EML6: variants seen among roughly 807,000 people sequenced by gnomAD.
EML6 encodes EMAP like 6.
Under a neutral mutation model 240.1 loss-of-function variants are expected in EML6, and 154 were observed. The observed-to-expected ratio is 0.64, with a 90% CI of 0.56 to 0.73. The LOEUF (loss-of-function observed/expected upper bound fraction) is 0.73, where lower values mean the gene tolerates loss of function less well. EML6 is among the 30% of genes least tolerant of loss of function. The pLI is 0.00. For missense variants in EML6, 2,964 were observed against 2,474.6 expected, an observed-to-expected ratio of 1.20 and a Z score of -4.20; for synonymous variants, 1,148 against 899.0, an observed-to-expected ratio of 1.28 and a Z score of -4.95.
At chr2:54,846,448 T>A (rs150394804) in intron 8 of EML6, among the ~76,000 whole-genome samples, 2 of 150,992 alleles carry the variant, frequency 1.3e-5, no homozygotes, top group East Asian at 3.9e-4. Flanking sequence ...TGTGTTGATA[T>A]ATATTTATAT....
chr2:54,775,428 C>G (rs1668562134), intron 2 of EML6, among the ~76,000 whole-genome samples: 1 of 152,180 alleles, frequency 6.6e-6, no homozygotes, highest in Non-Finnish European at 1.5e-5. Flanking sequence ...ACGCTCCTCC[C>G]CTCGATTTGG....
chr2:54,952,464 AG>A, intron 30 of EML6, 129 bp from the exon 31 acceptor site: 1 of 578,302 alleles, frequency 1.7e-6, no homozygotes. Flanking sequence ...TGATTCTGGA[AG>A]TGAGAATTTG....
chr2:54,872,093 G>A (rs1671286807), intron 16 of EML6, among the ~76,000 whole-genome samples: 1 of 152,100 alleles, frequency 6.6e-6, no homozygotes, highest in African/African-American at 2.4e-5. Context: ...TGGTATTTTG[G>A]AAATAACTTT....
chr2:54,861,397 T>G (rs1207630577), intron 12 of EML6, among the ~76,000 whole-genome samples: 1 of 152,138 alleles, frequency 6.6e-6, no homozygotes, highest in African/African-American at 2.4e-5. Context: ...AGGAGTTATC[T>G]CCCCAGGATC....
intron 2 of EML6, among the ~76,000 whole-genome samples, chr2:54,793,844 C>G (rs141792037): frequency 2.0e-5 from 3 of 151,896 alleles, no homozygotes; most frequent in Non-Finnish European, 4.4e-5. Context: ...CTGGAACTCC[C>G]TGGAACTCCA....
chr2:54,907,272 A>G (rs1353806945), intron 24 of EML6, among the ~76,000 whole-genome samples: 1 of 152,148 alleles, frequency 6.6e-6, no homozygotes, highest in Non-Finnish European at 1.5e-5. Flanking sequence ...GCACTTTGGG[A>G]GGCTGAGGTG....
In EML6 at chr2:54,724,499, T is replaced by C. The variant is rs984477759; in HGVS notation, c.-513-50T>C. 1 of 152,116 alleles carries C rather than the reference T, an allele frequency of 6.6e-6. No individual in the cohort carries two copies. Among genetic ancestry groups the C allele is most frequent in the African/African-American group, 2.4e-5 (1 of 41,408 alleles). The allele number at this position is 152,116 out of a possible 1,614,324, so 9.4% of individuals were successfully genotyped here. A position where few individuals can be genotyped will look rare whatever the true frequency, so the allele number is the denominator to read the frequency against. ...GATAATTTTCTTGGATTGGGTGACT[T>C]ATGCGAAAAATCTGTTTCTTTCTTC... On this transcript the variant is annotated intron_variant, in intron 1 of 41. Transcript: ENST00000356458. The surrounding 1 kb of genome is among the most constrained non-coding windows in gnomAD (Gnocchi z 5.2).
intron 35 of EML6, 75 bp downstream of exon 35, chr2:54,960,409 C>T (rs983032706): frequency 1.0e-5 from 11 of 1,101,972 alleles, no homozygotes; most frequent in Admixed American, 2.0e-5. Context: ...CCGGCACTTT[C>T]TCTGGGCTGG....
intron 2 of EML6, among the ~76,000 whole-genome samples, chr2:54,766,937 A>G (rs1040994517): frequency 6.6e-6 from 1 of 152,188 alleles, no homozygotes; most frequent in African/African-American, 2.4e-5. Context: ...TTCATACTGA[A>G]TACTTTTCAT....
chr2:54,955,746 A>G lies in EML6; in HGVS notation c.4486+1590A>G, dbSNP rs561798498. Among the ~76,000 whole-genome samples, 9 of 152,266 alleles carry G rather than the reference A, an allele frequency of 5.9e-5. No homozygotes were observed. In the South Asian group the frequency reaches 8.3e-4, roughly 14 times the overall value. On this transcript the variant is annotated intron_variant, in intron 32 of 41. Transcript: ENST00000356458. ...AGGTTAGAGGAGCCAGGGCTTTTAA[A>G]CAAGCTCCCGAGGAAAAGAGGAGCC... is the stretch of plus-strand genomic sequence containing the variant.
intron 2 of EML6, among the ~76,000 whole-genome samples, chr2:54,757,997 A>C (rs1220242655): frequency 6.6e-6 from 1 of 151,762 alleles, no homozygotes; most frequent in African/African-American, 2.4e-5. Context: ...TCAATTTGGC[A>C]AGAAGCATAG....
At chr2:54,884,982 C>G (rs952130958) in intron 17 of EML6, among the ~76,000 whole-genome samples, 1 of 151,454 alleles carries the variant, frequency 6.6e-6, no homozygotes, top group African/African-American at 2.4e-5. Context: ...CAGATCAGCC[C>G]GGCCCCCGTC....
rs534490334 is a variant in EML6, at chr2:54,968,688, C to A, written c.5772C>A (p.Phe1924Leu). The A allele has an allele frequency of 1.3e-6, 2 of 1,550,540 alleles. No individual in the cohort carries two copies. The highest frequency in any genetic ancestry group is 1.2e-5 in the South Asian group (1 of 84,030). The change falls in exon 41 of 42, where the codon TTC (phenylalanine) becomes TTA (leucine). Residue 1924 changes from phenylalanine to leucine, a missense_variant. Physicochemically the swap from Phe to Leu is conservative, Grantham distance 22. Coordinates refer to ENST00000356458, the MANE Select transcript of EML6 (RefSeq NM_001039753.4). Reference sequence around the variant, plus strand: ...CACAGGCCAAACATAAGCGATACTTCGGTCACTCGGCTCACGTGACGAACA... The same window carrying A: ...CACAGGCCAAACATAAGCGATACTTAGGTCACTCGGCTCACGTGACGAACA... Reference protein sequence around the residue: ...TEKFAKHKRYFGHSAHVTNIR... With the variant: ...TEKFAKHKRYLGHSAHVTNIR...
intron 14 of EML6, 142 bp from the exon 15 acceptor site, chr2:54,869,039 T>C: frequency 1.8e-6 from 1 of 551,400 alleles, no homozygotes. Flanking sequence ...ATATCCTCAT[T>C]TAAACATTGC....
At chr2:54,887,496 C>T (rs1184070881) in intron 17 of EML6, among the ~76,000 whole-genome samples, 1 of 152,174 alleles carries the variant, frequency 6.6e-6, no homozygotes, top group Non-Finnish European at 1.5e-5. Flanking sequence ...TGGTGTTTTT[C>T]ATCAAGCAAA....
intron 22 of EML6, among the ~76,000 whole-genome samples, chr2:54,901,630 G>T (rs1673060620): frequency 6.6e-6 from 1 of 152,192 alleles, no homozygotes; most frequent in Non-Finnish European, 1.5e-5. Flanking sequence ...ACGATAGATT[G>T]TGATTAACCT....
At chr2:54,958,208 C>T (rs1323959983) in intron 33 of EML6, among the ~76,000 whole-genome samples, 1 of 152,054 alleles carries the variant, frequency 6.6e-6, no homozygotes, top group African/African-American at 2.4e-5. Flanking sequence ...TATTATTTTT[C>T]TGAGACAGAG....
chr2:54,771,137 C>A (rs940030366), intron 2 of EML6, among the ~76,000 whole-genome samples: 1 of 152,074 alleles, frequency 6.6e-6, no homozygotes, highest in Non-Finnish European at 1.5e-5. Flanking sequence ...TGTCATCCAG[C>A]CTATGTAATT....
At chr2:54,819,571 A>G (rs1461797838) in intron 4 of EML6, among the ~76,000 whole-genome samples, 1 of 152,074 alleles carries the variant, frequency 6.6e-6, no homozygotes, top group Admixed American at 6.6e-5. Context: ...AGGTCACAAG[A>G]TTGAGACCAG....
Sources: allele counts gnomAD v4.1 joint callset (sites outside exome capture counted in the v4.1 genomes callset), GRCh38; gene constraint gnomAD v4.1.1; non-coding constraint Gnocchi (gnomAD v3.1); transcripts MANE v1.5; gene names NCBI Gene and HGNC (gene_info 2026-07-23, HGNC 2026-07-21).